Variants in GRIP1 observed in about 807,000 individuals in gnomAD.
GRIP1 encodes glutamate receptor-interacting protein 1.
A neutral mutation model predicts 129.9 loss-of-function variants in GRIP1; 45 were observed. The observed-to-expected ratio is 0.35, with a 90% CI of 0.27 to 0.44. The LOEUF is 0.44. Ranked by LOEUF, GRIP1 falls within the 20% of genes least tolerant of loss-of-function variation. GRIP1 has a pLI of 1.00. For synonymous variants in GRIP1, 530 were observed against 520.8 expected, an observed-to-expected ratio of 1.02 and a Z score of -0.24; for missense variants, 1,196 against 1,396.8, an observed-to-expected ratio of 0.86 and a Z score of 2.29.
intron 1 of GRIP1, among the ~76,000 whole-genome samples, chr12:67,066,879 A>AATATACATATATATATATAT (rs1555170027): frequency 9.1e-5 from 4 of 43,958 alleles, no homozygotes; most frequent in African/African-American, 2.3e-4. Flanking sequence ...GCTCAGTTTA[A>AATATACATATATATATATAT]ATATATATTT....
At chr12:66,884,221 C>A (rs1474265304) in intron 1 of GRIP1, among the ~76,000 whole-genome samples, 1 of 152,238 alleles carries the variant, frequency 6.6e-6, no homozygotes, top group Admixed American at 6.5e-5. Context: ...AGTGAGACCG[C>A]TTAGCGCTTT....
rs935039216 is a variant in GRIP1, at chr12:66,467,568, G to A, written c.725-2146C>T. ...TAGTAAAGAATCCTTGTTAGTCCCC[G>A]CAGCCTCTGTTTTAGTTGTCCTTCT... is the stretch of plus-strand genomic sequence containing the variant. On this transcript the variant is annotated intron_variant, in intron 7 of 24. Transcript: ENST00000359742. Among the ~76,000 whole-genome samples, 7 of 152,200 alleles carry A rather than the reference G, an allele frequency of 4.6e-5. No homozygotes were observed. The South Asian group carries it at 6.2e-4, about 14-fold the overall frequency.
At chr12:66,668,507 T>A (rs1329589245) in intron 1 of GRIP1, among the ~76,000 whole-genome samples, 1 of 152,162 alleles carries the variant, frequency 6.6e-6, no homozygotes, top group Admixed American at 6.5e-5. Flanking sequence ...CTGCCAGTAT[T>A]TTCCTCCAGA....
intron 5 of GRIP1, among the ~76,000 whole-genome samples, chr12:66,526,628 T>A (rs2061250486): frequency 6.6e-6 from 1 of 151,964 alleles, no homozygotes; most frequent in Non-Finnish European, 1.5e-5. Flanking sequence ...GGCAAGGACT[T>A]CATGTCTAAA....
chr12:66,911,711 T>C (rs1592947834), intron 1 of GRIP1, among the ~76,000 whole-genome samples: 1 of 152,300 alleles, frequency 6.6e-6, no homozygotes, highest in Admixed American at 6.5e-5. Context: ...TCCTTTCTTA[T>C]CATGCAAAAT....
intron 7 of GRIP1, among the ~76,000 whole-genome samples, chr12:66,481,227 CAA>C (rs79786837): frequency 0.052 from 6,364 of 121,230 alleles, 312 homozygotes; most frequent in East Asian, 0.15. Context: ...CTAGAATCTA[CAA>C]AAAAAAAAAA....
intron 2 of GRIP1, chr12:66,567,822 G>C (rs1704628161): frequency 5.3e-6 from 1 of 189,894 alleles, no homozygotes. Context: ...GATGATGTTT[G>C]CACTATCACC....
At chr12:66,464,148 G>A (rs1281294423) in intron 8 of GRIP1, among the ~76,000 whole-genome samples, 2 of 152,170 alleles carry the variant, frequency 1.3e-5, no homozygotes, top group Non-Finnish European at 2.9e-5. Flanking sequence ...TTCCCAGTGT[G>A]AATAGTCTAC....
intron 1 of GRIP1, among the ~76,000 whole-genome samples, chr12:66,938,415 G>A: frequency 6.6e-6 from 1 of 152,104 alleles, no homozygotes; most frequent in African/African-American, 2.4e-5. Context: ...GATGTGTTAG[G>A]CTAAATAAAA....
In GRIP1 at chr12:66,434,772, C is replaced by T. The variant is rs548170526; in HGVS notation, c.1688-2144G>A. ...TAAGAATTTGGAATTAGCATGCACA[C>T]TGGGGGCAGAGAGGGCCTTTGGAAG... On this transcript the variant is annotated intron_variant, in intron 13 of 24. Coordinates refer to ENST00000359742, the MANE Select transcript of GRIP1 (RefSeq NM_001366722.1). Among the ~76,000 whole-genome samples, 5 of 152,356 alleles carry T rather than the reference C, an allele frequency of 3.3e-5. No homozygotes were observed. In the South Asian group the frequency reaches 1.0e-3, roughly 32 times the overall value.
rs1372212169 is a variant in GRIP1 at position 66,392,717 on chromosome 12, T to C, written c.2229A>G (p.Ala743=). The C allele has an allele frequency of 6.2e-7, 1 of 1,613,760 alleles. No homozygotes were observed. Among genetic ancestry groups the C allele is most frequent in the African/African-American group, 1.3e-5 (1 of 74,930 alleles). ...TAATTTTCAAGGTGACAGTCTCTCC[T>C]GCCATCTGTAACAAATGGATGGCTT... ...LSEAIHLLQM[A]GETVTLKIKK... The change falls in exon 18 of 25, where the codon GCA becomes GCG. Residue 743 remains alanine (A), a synonymous_variant. Transcript: ENST00000359742.
chr12:66,540,219 C>T (rs2061732114), intron 3 of GRIP1, among the ~76,000 whole-genome samples: 1 of 152,182 alleles, frequency 6.6e-6, no homozygotes. Flanking sequence ...GCCTTATCTC[C>T]ACTAATAGAT....
intron 1 of GRIP1, among the ~76,000 whole-genome samples, chr12:66,975,696 GCAA>G (rs2042141180): frequency 6.6e-6 from 1 of 152,128 alleles, no homozygotes; most frequent in Non-Finnish European, 1.5e-5. Context: ...CTGTTCAAGG[GCAA>G]AATACAGAGA....
intron 7 of GRIP1, among the ~76,000 whole-genome samples, chr12:66,498,121 C>T (rs1467559320): frequency 6.6e-6 from 1 of 152,168 alleles, no homozygotes; most frequent in Non-Finnish European, 1.5e-5. Context: ...TATCTCCCTT[C>T]GCTGACTCCC....
intron 15 of GRIP1, among the ~76,000 whole-genome samples, chr12:66,417,469 C>T (rs912396883): frequency 6.6e-6 from 1 of 151,924 alleles, no homozygotes; most frequent in African/African-American, 2.4e-5. Flanking sequence ...AAGATAAAAG[C>T]GTATCCAAAT....
intron 4 of GRIP1, among the ~76,000 whole-genome samples, chr12:66,531,248 AAAAAATATAT>A (rs2061440327): frequency 1.8e-5 from 1 of 55,646 alleles, no homozygotes; most frequent in Non-Finnish European, 3.3e-5. Flanking sequence ...AAAAAAAAAA[AAAAAATATAT>A]ATATATATAT....
At chr12:66,692,159 T>C (rs1024283576) in intron 1 of GRIP1, among the ~76,000 whole-genome samples, 1 of 152,220 alleles carries the variant, frequency 6.6e-6, no homozygotes, top group Non-Finnish European at 1.5e-5. Context: ...AACAAGTGCA[T>C]TCTGCAAATC....
intron 1 of GRIP1, among the ~76,000 whole-genome samples, chr12:66,721,523 C>A (rs150200737): frequency 5.3e-5 from 8 of 152,158 alleles, no homozygotes; most frequent in South Asian, 2.1e-4. Context: ...GATCCTTCCA[C>A]CTCAGCCTTC....
intron 14 of GRIP1, among the ~76,000 whole-genome samples, chr12:66,425,686 G>C (rs954118085): frequency 6.6e-6 from 1 of 152,086 alleles, no homozygotes; most frequent in African/African-American, 2.4e-5. Context: ...CATGGATGAA[G>C]CTGGAAACCA....
Sources: allele counts gnomAD v4.1 joint callset (sites outside exome capture counted in the v4.1 genomes callset), GRCh38; gene constraint gnomAD v4.1.1; transcripts MANE v1.5; gene names NCBI Gene and HGNC (gene_info 2026-07-23, HGNC 2026-07-21).